PRCC: variants seen among roughly 807,000 people sequenced by gnomAD.
The protein encoded by PRCC is proline rich mitotic checkpoint control factor, also known as proline-rich protein PRCC.
A neutral mutation model predicts 44.0 loss-of-function variants in PRCC; 10 were observed. That is an observed-to-expected ratio of 0.23 (90% CI 0.14 to 0.39). PRCC has a LOEUF of 0.39. PRCC is among the 10% of genes least tolerant of loss of function. The pLI, the probability that PRCC is intolerant of heterozygous loss-of-function variation, is 1.00. For missense variants in PRCC, 573 were observed against 624.7 expected, an observed-to-expected ratio of 0.92 and a Z score of 0.88; for synonymous variants, 278 against 259.5, an observed-to-expected ratio of 1.07 and a Z score of -0.69.
intron 1 of PRCC, among the ~76,000 whole-genome samples, chr1:156,774,157 CT>C (rs76271348): frequency 4.1e-4 from 22 of 53,994 alleles, no homozygotes; most frequent in Admixed American, 1.1e-3. Context: ...TTTGAGTCAC[CT>C]TTTTTTTTTT....
chr1:156,791,223 C>A (rs1182592680), intron 3 of PRCC: 2 of 1,176,328 alleles, frequency 1.7e-6, no homozygotes, highest in Non-Finnish European at 2.4e-6. Flanking sequence ...ACCTCCCCAC[C>A]CGGTTTAGAC....
rs1382802282 is a variant in PRCC, at chr1:156,767,723, C to G, written c.-49C>G. On this transcript the variant is annotated 5_prime_UTR_variant, in exon 1 of 7. Transcript: ENST00000271526. Reference sequence around the variant, plus strand: ...CTAGGCCTCCGGGCATCCCCGGTCTCAAGTAGGCCTCATCTGCCGGCAAGG... The same window carrying G: ...CTAGGCCTCCGGGCATCCCCGGTCTGAAGTAGGCCTCATCTGCCGGCAAGG... 1 of 1,530,966 alleles carries G rather than the reference C, an allele frequency of 6.5e-7. No homozygotes were observed. The highest frequency in any genetic ancestry group is 2.4e-5 in the East Asian group (1 of 40,910). 94.8% of individuals were successfully genotyped at this position (1,530,966 alleles called of 1,614,324 possible). A position where few individuals can be genotyped will look rare whatever the true frequency, so the allele number is the denominator to read the frequency against.
At chr1:156,775,268 G>A (rs1264542028) in intron 1 of PRCC, among the ~76,000 whole-genome samples, 1 of 151,914 alleles carries the variant, frequency 6.6e-6, no homozygotes, top group African/African-American at 2.4e-5. Context: ...TTGTTTTTGT[G>A]TGGAGATGGG....
At chr1:156,774,331 C>T (rs1308992871) in intron 1 of PRCC, among the ~76,000 whole-genome samples, 3 of 151,398 alleles carry the variant, frequency 2.0e-5, no homozygotes, top group East Asian at 2.0e-4. Flanking sequence ...CCCGCCACTA[C>T]ACCCAGCTAA....
chr1:156,791,494 T>C (rs1652470673), intron 3 of PRCC: 1 of 582,004 alleles, frequency 1.7e-6, no homozygotes, highest in South Asian at 2.1e-5. Context: ...ATAGTGTAGA[T>C]GAGAAAAGCT....
chr1:156,787,545 T>C (rs1376947267), intron 3 of PRCC, among the ~76,000 whole-genome samples: 1 of 147,506 alleles, frequency 6.8e-6, no homozygotes, highest in Admixed American at 6.8e-5. Flanking sequence ...AGGAGGTACA[T>C]GTACAGGTTT....
intron 6 of PRCC, 141 bp downstream of exon 6, chr1:156,797,482 C>A: frequency 2.2e-6 from 2 of 919,376 alleles, no homozygotes; most frequent in Non-Finnish European, 3.4e-6. Context: ...ATTCTCAGAG[C>A]GGCCACTAGG....
intron 4 of PRCC, among the ~76,000 whole-genome samples, chr1:156,792,920 C>T (rs1366357153): frequency 5.9e-5 from 9 of 152,200 alleles, no homozygotes; most frequent in Non-Finnish European, 1.2e-4. Flanking sequence ...ACATAATGGT[C>T]TCTCACTGCT....
At chr1:156,773,366 T>A (rs1319253017) in intron 1 of PRCC, among the ~76,000 whole-genome samples, 1 of 152,110 alleles carries the variant, frequency 6.6e-6, no homozygotes, top group African/African-American at 2.4e-5. Flanking sequence ...GTTTCCGTTC[T>A]TGCTCAGCAG....
Position 156,787,181 on chromosome 1 carries a change from A to G in PRCC, c.1083+7A>G, listed in dbSNP as rs990192660. On this transcript the variant is annotated splice_region_variant and intron_variant, in intron 3 of 6. Transcript: ENST00000271526. The stretch of plus-strand genomic sequence containing the variant: ...CGCTGGTGCTTATTATCAGGTGGGT[A>G]GGAGGCACAGAGGGCAGGCGAGGGA... 9.4e-6 allele frequency: 15 copies of G among 1,591,440 alleles called. No individual in the cohort carries two copies. The Middle Eastern group carries it at 8.8e-4, about 93-fold the overall frequency.
At chr1:156,769,322 T>G (rs1234513786) in intron 1 of PRCC, among the ~76,000 whole-genome samples, 1 of 152,188 alleles carries the variant, frequency 6.6e-6, no homozygotes, top group Non-Finnish European at 1.5e-5. Flanking sequence ...CAACCTCCTA[T>G]CACCTCCTCC....
chr1:156,775,230 A>C (rs1651781177), intron 1 of PRCC, among the ~76,000 whole-genome samples: 1 of 152,058 alleles, frequency 6.6e-6, no homozygotes, highest in Admixed American at 6.6e-5. Context: ...CCTGGGCTGC[A>C]GAGGGAGGCT....
At chr1:156,793,598 G>A (rs1478096827) in intron 4 of PRCC, among the ~76,000 whole-genome samples, 1 of 150,868 alleles carries the variant, frequency 6.6e-6, no homozygotes, top group African/African-American at 2.4e-5. Flanking sequence ...TGTCTCTAAT[G>A]TCCACTCTGG....
At chr1:156,775,044 C>T (rs900798003) in intron 1 of PRCC, among the ~76,000 whole-genome samples, 7 of 151,382 alleles carry the variant, frequency 4.6e-5, no homozygotes, top group Non-Finnish European at 7.4e-5. Flanking sequence ...GTCAGGAGAT[C>T]GAGAGCATCC....
intron 1 of PRCC, among the ~76,000 whole-genome samples, chr1:156,770,589 G>A (rs1174379623): frequency 6.6e-6 from 1 of 152,166 alleles, no homozygotes; most frequent in African/African-American, 2.4e-5. Context: ...TGGTCAGGCA[G>A]GTCTTCAACT....
At position 156,781,039 on chromosome 1, in the gene PRCC, T is replaced by C. The variant is rs189697198; in HGVS notation, c.469-1243T>C. On this transcript the variant is annotated intron_variant, in intron 1 of 6. Coordinates refer to ENST00000271526, the MANE Select transcript of PRCC (RefSeq NM_005973.5). ...CACTGCGCCCGGCCTTATACTACCT[T>C]TTATTACAGTGATTTGGGTACTTAT... Among the ~76,000 whole-genome samples the C allele has an allele frequency of 1.5e-4, 23 of 152,236 alleles. No individual in the cohort carries two copies. The East Asian group carries it at 4.4e-3, about 29-fold the overall frequency.
At chr1:156,795,759 A>G (rs961938274) in intron 5 of PRCC, 1 of 152,072 alleles carries the variant, frequency 6.6e-6, no homozygotes, top group Non-Finnish European at 1.5e-5. Context: ...TATTCATCAC[A>G]TTTCCCACAC....
chr1:156,795,285 GTTTTTT>G (rs35911411), intron 5 of PRCC, among the ~76,000 whole-genome samples: 7 of 36,054 alleles, frequency 1.9e-4, no homozygotes, highest in South Asian at 2.0e-3. Context: ...ATTTTCTGGT[GTTTTTT>G]TTTTTTTTTT....
chr1:156,779,783 T>G (rs1232511987), intron 1 of PRCC, among the ~76,000 whole-genome samples: 1 of 152,146 alleles, frequency 6.6e-6, no homozygotes, highest in Non-Finnish European at 1.5e-5. Flanking sequence ...GGTCTCACTA[T>G]GTTGACCAGG....
Sources: allele counts gnomAD v4.1 joint callset (sites outside exome capture counted in the v4.1 genomes callset), GRCh38; gene constraint gnomAD v4.1.1; transcripts MANE v1.5; gene names NCBI Gene and HGNC (gene_info 2026-07-23, HGNC 2026-07-21).